Variants in PCDHB7 observed in about 807,000 individuals in gnomAD.
The protein encoded by PCDHB7 is protocadherin beta 7.
For missense variants in PCDHB7, 1,148 were observed against 1,011.6 expected, an observed-to-expected ratio of 1.13 and a Z score of -1.83; for synonymous variants, 542 against 463.1, an observed-to-expected ratio of 1.17 and a Z score of -2.19.
At position 141,174,234 on chromosome 5, in the gene PCDHB7, G is replaced by A. The variant is rs781925820; in HGVS notation, c.1399G>A (p.Ala467Thr). 4 of 1,613,068 alleles carry A rather than the reference G, an allele frequency of 2.5e-6. No homozygotes were observed. Among genetic ancestry groups the A allele is most frequent in the East Asian group, 4.5e-5 (2 of 44,888 alleles). The stretch of plus-strand genomic sequence containing the variant: ...GTTTGTCCGTGAGAACAACAGCCCC[G>A]CCCTGCCCATCGGCAGTGTCAGCGC... ...TLFVRENNSP[A>T]LPIGSVSATD... The change falls in exon 1 of 1, where the codon GCC becomes ACC. Residue 467 changes from alanine (A) to threonine (T), a missense_variant. Ala to Thr is a moderately conservative substitution (Grantham distance 58). Coordinates refer to ENST00000231137, the MANE Select transcript of PCDHB7 (RefSeq NM_018940.4).
rs782687465 is a variant in PCDHB7, at chr5:141,174,184, C to T, written c.1349C>T (p.Ala450Val). 1.2e-6 allele frequency: 2 copies of T among 1,613,586 alleles called. No individual in the cohort carries two copies. The highest frequency in any genetic ancestry group is 8.5e-7 in the Non-Finnish European group (1 of 1,180,032). Residue 450 changes from alanine to valine, a missense_variant, in exon 1 of 1, where the codon GCC becomes GTC. Transcript: ENST00000231137. ...LVSDVNDNAP[A>V]FTQTSYTLFV... ...TCCGACGTCAATGACAACGCTCCCG[C>T]CTTCACCCAAACCTCCTACACCCTG...
Position 141,173,707 on chromosome 5 carries a change from C to A in PCDHB7, c.872C>A (p.Thr291Lys), listed in dbSNP as rs782300561. Residue 291 changes from threonine to lysine, a missense_variant, in exon 1 of 1, where the codon ACG becomes AAG. Transcript: ENST00000231137. ...FSYATERILK[T>K]FQINPTSGSL... ...TACGCCACTGAAAGAATTCTCAAAA[C>A]GTTTCAAATCAATCCAACATCTGGC... is the stretch of plus-strand genomic sequence containing the variant. The A allele has an allele frequency of 1.2e-6, 2 of 1,613,898 alleles. No homozygotes were observed. Among genetic ancestry groups the A allele is most frequent in the Middle Eastern group, 1.6e-4 (1 of 6,080 alleles).
In PCDHB7 at chr5:141,175,146, A is replaced by C; in HGVS notation, c.2311A>C (p.Asn771His). Residue 771 changes from asparagine to histidine, a missense_variant, in exon 1 of 1, where the codon AAC becomes CAC. By Grantham distance (68) the Asn-to-His change is moderately conservative. Transcript: ENST00000231137. ...CAAGTTTCTGAAACCAATTATCCCC[A>C]ACCTGCTACCCCAGAGCACAGGCAG... Reference protein sequence around the residue: ...EFKFLKPIIPNLLPQSTGREV... With the variant: ...EFKFLKPIIPHLLPQSTGREV... 1 of 1,614,224 alleles carries C rather than the reference A, an allele frequency of 6.2e-7. No individual in the cohort carries two copies. Among genetic ancestry groups the C allele is most frequent in the Non-Finnish European group, 8.5e-7 (1 of 1,180,042 alleles).
In PCDHB7 at chr5:141,173,143, T is replaced by C. The variant is rs1457738584; in HGVS notation, c.308T>C (p.Val103Ala). The C allele has an allele frequency of 6.2e-7, 1 of 1,614,090 alleles. No homozygotes were observed. The highest frequency in any genetic ancestry group is 8.5e-7 in the Non-Finnish European group (1 of 1,180,026). Residue 103 changes from valine to alanine, a missense_variant, in exon 1 of 1, where the codon GTG becomes GCG. Transcript: ENST00000231137. The stretch of plus-strand genomic sequence containing the variant: ...CTGTGTGGCCCCAGAGAGCCCTGTG[T>C]GCTGCCTTTCCAGTTGTTATTGGAA... ...EELCGPREPC[V>A]LPFQLLLEKP...
At position 141,175,838 on chromosome 5, in the gene PCDHB7, A is replaced by C. The variant is rs1753368374; in HGVS notation, c.*621A>C. On this transcript the variant is annotated 3_prime_UTR_variant, in exon 1 of 1. Transcript: ENST00000231137. ...TTCTGTCATTAGATATCACCTGGCA[A>C]GTTTCTGCCTAATTAAGGAGAAGTC... 6.0e-6 allele frequency: 1 copy of C among 167,512 alleles called. No homozygotes were observed. Among genetic ancestry groups the C allele is most frequent in the Non-Finnish European group, 1.5e-5 (1 of 68,442 alleles). 10.4% of individuals were successfully genotyped at this position (167,512 alleles called of 1,614,324 possible). A position where few individuals can be genotyped will look rare whatever the true frequency, so the allele number is the denominator to read the frequency against.
chr5:141,174,088 ACATCAC>A lies in PCDHB7; in HGVS notation c.1261_1266del (p.Ile421_Thr422del). On this transcript the variant is annotated inframe_deletion, in exon 1 of 1. Transcript: ENST00000231137. ...GATCGAGAGAGGAACACTGAGTACAACATCACCATCACCGTCACCGACTTGGGGACA... is the reference window on the plus strand; with the variant it reads ...GATCGAGAGAGGAACACTGAGTACAACATCACCGTCACCGACTTGGGGACA... 6.2e-7 allele frequency: 1 copy of A among 1,614,092 alleles called. No individual in the cohort carries two copies. Among genetic ancestry groups the A allele is most frequent in the Non-Finnish European group, 8.5e-7 (1 of 1,179,972 alleles).
chr5:141,172,997 AG>A lies in PCDHB7; in HGVS notation c.166del (p.Val56Ter), dbSNP rs1554279873. ...LTNLAKDLGL[G>X]VGELRARGTR... is the part of the protein sequence containing the mutation. The stretch of plus-strand genomic sequence containing the variant: ...CCAACTTGGCAAAAGACCTAGGGTT[AG>A]GGGTAGGGGAACTGAGAGCCCGGGG... On this transcript the variant is annotated frameshift_variant, in exon 1 of 1. Transcript: ENST00000231137. LOFTEE classifies it low-confidence loss of function (END_TRUNC). 6.2e-7 allele frequency: 1 copy of A among 1,614,162 alleles called. No homozygotes were observed. Among genetic ancestry groups the A allele is most frequent in the Admixed American group, 1.7e-5 (1 of 60,030 alleles).
In PCDHB7 at chr5:141,172,847, A is replaced by G; in HGVS notation, c.12A>G (p.Arg4=). Residue 4 remains arginine (R), a synonymous_variant, in exon 1 of 1, where the codon AGA becomes AGG. Transcript: ENST00000231137. ...TGATCCAAAGAAGAATGGAGGCCAG[A>G]GTGGAGCGTGCTGTGCAGAAAAGGC... MEA[R]VERAVQKRQV... The G allele has an allele frequency of 6.2e-7, 1 of 1,611,780 alleles. No individual in the cohort carries two copies. Among genetic ancestry groups the G allele is most frequent in the Non-Finnish European group, 8.5e-7 (1 of 1,178,106 alleles).
chr5:141,172,927 T>C lies in PCDHB7; in HGVS notation c.92T>C (p.Leu31Pro), dbSNP rs782653378. 6.2e-7 allele frequency: 1 copy of C among 1,614,208 alleles called. No homozygotes were observed. Reference protein sequence around the residue: ...LGMSWAGAEPLRYFVAEETER... With the variant: ...LGMSWAGAEPPRYFVAEETER... The stretch of plus-strand genomic sequence containing the variant: ...ATGTCTTGGGCTGGCGCCGAACCGC[T>C]TCGGTATTTTGTGGCGGAGGAAACC... Residue 31 changes from leucine to proline, a missense_variant, in exon 1 of 1, where the codon CTT becomes CCT. Transcript: ENST00000231137.
Position 141,173,899 on chromosome 5 carries a change from C to G in PCDHB7, c.1064C>G (p.Pro355Arg), listed in dbSNP as rs375322109. The G allele has an allele frequency of 1.7e-5, 27 of 1,612,442 alleles. No homozygotes were observed. The highest frequency in any genetic ancestry group is 2.3e-5 in the Non-Finnish European group (27 of 1,178,826). The change falls in exon 1 of 1, where the codon CCA becomes CGA. Residue 355 changes from proline (P) to arginine (R), a missense_variant. Physicochemically the swap from Pro to Arg is moderately radical, Grantham distance 103. Transcript: ENST00000231137. ...PELLLSSLTS[P>R]IAENSPETVV... is the part of the protein sequence containing the mutation. ...CTGCTCCTGTCTTCACTTACTAGCC[C>G]AATTGCAGAAAACTCACCCGAGACA... is the stretch of plus-strand genomic sequence containing the variant.
rs782780451 is a variant in PCDHB7, at chr5:141,173,844, G to A, written c.1009G>A (p.Val337Ile). 9 of 1,614,040 alleles carry A rather than the reference G, an allele frequency of 5.6e-6. No individual in the cohort carries two copies. Among genetic ancestry groups the A allele is most frequent in the African/African-American group, 1.3e-5 (1 of 74,912 alleles). The change falls in exon 1 of 1, where the codon GTA (valine) becomes ATA (isoleucine). Residue 337 changes from valine to isoleucine, a missense_variant. Coordinates refer to ENST00000231137, the MANE Select transcript of PCDHB7 (RefSeq NM_018940.4). ...LSGKCTVVVD[V>I]TDINDNRPEL... ...TGGAAAATGCACTGTAGTGGTTGATGTAACAGATATAAACGATAATCGACC... is the reference window on the plus strand; with the variant it reads ...TGGAAAATGCACTGTAGTGGTTGATATAACAGATATAAACGATAATCGACC...
chr5:141,174,241 C>T lies in PCDHB7; in HGVS notation c.1406C>T (p.Pro469Leu), dbSNP rs202165393. ...FVRENNSPAL[P>L]IGSVSATDRD... The stretch of plus-strand genomic sequence containing the variant: ...CGTGAGAACAACAGCCCCGCCCTGC[C>T]CATCGGCAGTGTCAGCGCCACAGAC... The change falls in exon 1 of 1, where the codon CCC (proline) becomes CTC (leucine). Residue 469 changes from proline to leucine, a missense_variant. Pro to Leu is a moderately conservative substitution (Grantham distance 98, BLOSUM62 -3). Coordinates refer to ENST00000231137, the MANE Select transcript of PCDHB7 (RefSeq NM_018940.4). 6 of 1,612,624 alleles carry T rather than the reference C, an allele frequency of 3.7e-6. No individual in the cohort carries two copies. The African/African-American group carries it at 8.0e-5, about 22-fold the overall frequency.
rs1554280597 is a variant in PCDHB7, at chr5:141,175,955, A to G, written c.*738A>G. 1 of 167,196 alleles carries G rather than the reference A, an allele frequency of 6.0e-6. No homozygotes were observed. Among genetic ancestry groups the G allele is most frequent in the Non-Finnish European group, 1.5e-5 (1 of 68,242 alleles). 10.4% of individuals were successfully genotyped at this position (167,196 alleles called of 1,614,324 possible). A position where few individuals can be genotyped will look rare whatever the true frequency, so the allele number is the denominator to read the frequency against. On this transcript the variant is annotated 3_prime_UTR_variant, in exon 1 of 1. Coordinates refer to ENST00000231137, the MANE Select transcript of PCDHB7 (RefSeq NM_018940.4). Reference sequence around the variant, plus strand: ...TATGGTTTTATTTTCTTATACACCAAAAGTCCTGCTTTTCTGGGTCAATTT... The same window carrying G: ...TATGGTTTTATTTTCTTATACACCAGAAGTCCTGCTTTTCTGGGTCAATTT...
rs1753307449 is a variant in PCDHB7, at chr5:141,174,290, G to A, written c.1455G>A (p.Gln485=). The A allele has an allele frequency of 6.2e-6, 10 of 1,612,480 alleles. No individual in the cohort carries two copies. The highest frequency in any genetic ancestry group is 1.1e-5 in the South Asian group (1 of 91,008). The change falls in exon 1 of 1, where the codon CAG becomes CAA. Residue 485 remains glutamine (Q), a synonymous_variant. Coordinates refer to ENST00000231137, the MANE Select transcript of PCDHB7 (RefSeq NM_018940.4). ...ACAGAGACTCGGGCACCAACGCCCA[G>A]GTCATCTACTCCCTGCTGCCGTCCC... The part of the protein sequence containing the change: ...ATDRDSGTNA[Q]VIYSLLPSQD...
Position 141,172,909 on chromosome 5 carries a change from G to C in PCDHB7, c.74G>C (p.Trp25Ser), listed in dbSNP as rs1315499810. The change falls in exon 1 of 1, where the codon TGG (tryptophan) becomes TCG (serine). Residue 25 changes from tryptophan to serine, a missense_variant. Coordinates refer to ENST00000231137, the MANE Select transcript of PCDHB7 (RefSeq NM_018940.4). ...LFLCVFLGMS[W>S]AGAEPLRYFV... ...CTTTGTGTATTTCTGGGAATGTCTT[G>C]GGCTGGCGCCGAACCGCTTCGGTAT... 1.2e-6 allele frequency: 2 copies of C among 1,614,192 alleles called. No homozygotes were observed. Among genetic ancestry groups the C allele is most frequent in the Non-Finnish European group, 1.7e-6 (2 of 1,180,036 alleles).
In PCDHB7 at chr5:141,174,077, C is replaced by A. The variant is rs782588360; in HGVS notation, c.1242C>A (p.Asn414Lys). Residue 414 changes from asparagine (N) to lysine (K), a missense_variant, in exon 1 of 1, where the codon AAC becomes AAA. Physicochemically the swap from Asn to Lys is moderately conservative, Grantham distance 94. Coordinates refer to ENST00000231137, the MANE Select transcript of PCDHB7 (RefSeq NM_018940.4). ...VTEKPLDRER[N>K]TEYNITITVT... ...AGAAACCTTTGGATCGAGAGAGGAACACTGAGTACAACATCACCATCACCG... is the reference window on the plus strand; with the variant it reads ...AGAAACCTTTGGATCGAGAGAGGAAAACTGAGTACAACATCACCATCACCG... 1.9e-6 allele frequency: 3 copies of A among 1,614,078 alleles called. No individual in the cohort carries two copies. The African/African-American group carries it at 4.0e-5, about 22-fold the overall frequency.
At position 141,172,919 on chromosome 5, in the gene PCDHB7, C is replaced by T; in HGVS notation, c.84C>T (p.Ala28=). 1 of 1,614,156 alleles carries T rather than the reference C, an allele frequency of 6.2e-7. No individual in the cohort carries two copies. Among genetic ancestry groups the T allele is most frequent in the Non-Finnish European group, 8.5e-7 (1 of 1,180,036 alleles). ...CVFLGMSWAG[A]EPLRYFVAEE... is the part of the protein sequence containing the mutation. ...TTCTGGGAATGTCTTGGGCTGGCGC[C>T]GAACCGCTTCGGTATTTTGTGGCGG... Residue 28 remains alanine, a synonymous_variant, in exon 1 of 1, where the codon GCC becomes GCT. Transcript: ENST00000231137.
Position 141,175,094 on chromosome 5 carries a change from G to T in PCDHB7, c.2259G>T (p.Leu753=). Residue 753 remains leucine, a synonymous_variant, in exon 1 of 1, where the codon CTG becomes CTT. Coordinates refer to ENST00000231137, the MANE Select transcript of PCDHB7 (RefSeq NM_018940.4). ...LSQSYQYEVC[L]TGGSGTNEFK... is the part of the protein sequence containing the mutation. ...AGAGCTACCAGTATGAGGTGTGCCT[G>T]ACTGGAGGCTCCGGGACAAATGAGT... 1 of 1,614,260 alleles carries T rather than the reference G, an allele frequency of 6.2e-7. No homozygotes were observed. Among genetic ancestry groups the T allele is most frequent in the Non-Finnish European group, 8.5e-7 (1 of 1,180,054 alleles).
In PCDHB7 at chr5:141,173,431, T is replaced by A. The variant is rs781839964; in HGVS notation, c.596T>A (p.Val199Glu). 6.2e-7 allele frequency: 1 copy of A among 1,614,174 alleles called. No individual in the cohort carries two copies. The highest frequency in any genetic ancestry group is 8.5e-7 in the Non-Finnish European group (1 of 1,180,038). The change falls in exon 1 of 1, where the codon GTG becomes GAG. Residue 199 changes from valine to glutamate, a missense_variant. By Grantham distance (121) the Val-to-Glu change is moderately radical. Transcript: ENST00000231137. ...NIYPELVLNQ[V>E]LDREEIPEFS... is the part of the protein sequence containing the mutation. Reference sequence around the variant, plus strand: ...TATCCCGAATTGGTGCTGAATCAAGTGCTGGATCGGGAAGAGATACCAGAG... The same window carrying A: ...TATCCCGAATTGGTGCTGAATCAAGAGCTGGATCGGGAAGAGATACCAGAG...
Sources: allele counts gnomAD v4.1 joint callset, GRCh38; gene constraint gnomAD v4.1.1; transcripts MANE v1.5; gene names NCBI Gene and HGNC (gene_info 2026-07-23, HGNC 2026-07-21).